Variants in KIAA1328 observed in about 807,000 individuals in gnomAD.
KIAA1328 encodes the protein KIAA1328, also known as protein hinderin.
In KIAA1328, 52 loss-of-function variants were observed where a neutral mutation model predicts 68.1. The ratio of observed to expected loss-of-function variants is 0.76; its 90% confidence interval spans 0.61 to 0.96. The LOEUF (loss-of-function observed/expected upper bound fraction) is 0.96, where lower values mean the gene tolerates loss of function less well. Ranked by LOEUF, KIAA1328 falls within the 40% of genes least tolerant of loss-of-function variation. The pLI is 0.00. For missense variants in KIAA1328, 641 were observed against 677.6 expected, an observed-to-expected ratio of 0.95 and a Z score of 0.60; for synonymous variants, 232 against 239.4, an observed-to-expected ratio of 0.97 and a Z score of 0.28.
At chr18:36,890,397 G>T (rs1007039046) in intron 5 of KIAA1328, among the ~76,000 whole-genome samples, 1 of 151,976 alleles carries the variant, frequency 6.6e-6, no homozygotes, top group African/African-American at 2.4e-5. Context: ...ATGTCTGCGC[G>T]TCATGGCTCA....
intron 6 of KIAA1328, among the ~76,000 whole-genome samples, chr18:37,005,922 G>C (rs1232867504): frequency 1.3e-5 from 2 of 152,076 alleles, no homozygotes; most frequent in Non-Finnish European, 2.9e-5. Context: ...TGGAAGTAGA[G>C]AGCAGAAGGA....
chr18:36,974,894 G>A (rs1256648058), intron 6 of KIAA1328, among the ~76,000 whole-genome samples: 4 of 152,166 alleles, frequency 2.6e-5, no homozygotes, highest in Non-Finnish European at 5.9e-5. Flanking sequence ...GTATAATCTA[G>A]TACTAAACAG....
intron 7 of KIAA1328, among the ~76,000 whole-genome samples, chr18:37,079,316 AGCGGGGCCT>A: frequency 1.1e-5 from 1 of 87,808 alleles, no homozygotes; most frequent in South Asian, 3.0e-4. Flanking sequence ...AACATCACAC[AGCGGGGCCT>A]GTTGTGGGGT....
Position 36,885,546 on chromosome 18 carries a change from T to A in KIAA1328, c.333-11T>A, listed in dbSNP as rs777637388. The A allele has an allele frequency of 2.0e-6, 3 of 1,473,378 alleles. No homozygotes were observed. Among genetic ancestry groups the A allele is most frequent in the Non-Finnish European group, 2.7e-6 (3 of 1,103,850 alleles). 91.3% of individuals were successfully genotyped at this position (1,473,378 alleles called of 1,614,324 possible). A position where few individuals can be genotyped will look rare whatever the true frequency, so the allele number is the denominator to read the frequency against. ...TGATAGATGTTAAAGGTTTTTTTTT[T>A]TTTATTTCAGAGTAAGTGAGGAAAA... is the stretch of plus-strand genomic sequence containing the variant. On this transcript the variant is annotated splice_polypyrimidine_tract_variant and intron_variant, in intron 4 of 9. Coordinates refer to ENST00000280020, the MANE Select transcript of KIAA1328 (RefSeq NM_020776.3).
At chr18:37,207,942 T>G (rs1462326862) in intron 9 of KIAA1328, among the ~76,000 whole-genome samples, 2 of 152,144 alleles carry the variant, frequency 1.3e-5, no homozygotes, top group Non-Finnish European at 2.9e-5. Context: ...CCCGAGTAGC[T>G]GGGATTACAG....
chr18:37,166,757 G>A (rs1434263768), intron 8 of KIAA1328, among the ~76,000 whole-genome samples: 2 of 152,072 alleles, frequency 1.3e-5, no homozygotes, highest in Non-Finnish European at 2.9e-5. Context: ...CTACATATAG[G>A]ACATTCCTTG....
intron 6 of KIAA1328, among the ~76,000 whole-genome samples, chr18:37,058,635 C>A (rs918882650): frequency 1.3e-5 from 2 of 151,962 alleles, no homozygotes; most frequent in Non-Finnish European, 2.9e-5. Flanking sequence ...TTGCTTGAAC[C>A]CAGGAGGCAG....
At chr18:36,946,393 G>C (rs1304136192) in intron 5 of KIAA1328, 1 of 152,172 alleles carries the variant, frequency 6.6e-6, no homozygotes, top group Non-Finnish European at 1.5e-5. Context: ...AGGGTTCTTA[G>C]AGATGATTGA....
chr18:37,031,600 T>A (rs1028359836), intron 6 of KIAA1328, among the ~76,000 whole-genome samples: 1 of 152,210 alleles, frequency 6.6e-6, no homozygotes, highest in Non-Finnish European at 1.5e-5. Flanking sequence ...TAGTTTGCTT[T>A]TGATTTATAA....
chr18:37,068,714 A>G (rs1429126625), intron 7 of KIAA1328, among the ~76,000 whole-genome samples: 1 of 152,224 alleles, frequency 6.6e-6, no homozygotes, highest in East Asian at 1.9e-4. Flanking sequence ...TCTTCTAGAT[A>G]TATGTCTTTT....
At chr18:36,907,829 T>C (rs1202341777) in intron 5 of KIAA1328, among the ~76,000 whole-genome samples, 1 of 152,166 alleles carries the variant, frequency 6.6e-6, no homozygotes, top group African/African-American at 2.4e-5. Flanking sequence ...AGTTTAATCT[T>C]TTCTCTTAAA....
At chr18:36,967,660 C>A (rs2051999113) in intron 6 of KIAA1328, among the ~76,000 whole-genome samples, 1 of 152,120 alleles carries the variant, frequency 6.6e-6, no homozygotes, top group African/African-American at 2.4e-5. Flanking sequence ...ACACTCCTAG[C>A]AGATCTTCAG....
chr18:37,177,984 T>G (rs1438078435), intron 9 of KIAA1328, among the ~76,000 whole-genome samples: 1 of 152,122 alleles, frequency 6.6e-6, no homozygotes, highest in Non-Finnish European at 1.5e-5. Context: ...ACATTCAAAA[T>G]CCTCTCTTCT....
intron 7 of KIAA1328, among the ~76,000 whole-genome samples, chr18:37,098,598 T>A (rs1171823270): frequency 6.6e-6 from 1 of 152,230 alleles, no homozygotes; most frequent in Non-Finnish European, 1.5e-5. Context: ...TAAAATGAGT[T>A]AGGTAGGATT....
chr18:36,840,627 T>G (rs2046827970), intron 3 of KIAA1328, among the ~76,000 whole-genome samples: 1 of 152,050 alleles, frequency 6.6e-6, no homozygotes, highest in Non-Finnish European at 1.5e-5. Flanking sequence ...AGATGATTTT[T>G]GTATAAACAG....
chr18:36,852,966 CAT>C (rs2047262252), intron 4 of KIAA1328, among the ~76,000 whole-genome samples: 1 of 152,118 alleles, frequency 6.6e-6, no homozygotes, highest in Admixed American at 6.5e-5. Context: ...TTAATATTTT[CAT>C]ATATTTTGAG....
chr18:37,040,989 CTATTT>C (rs576908780), intron 6 of KIAA1328, among the ~76,000 whole-genome samples: 73 of 151,556 alleles, frequency 4.8e-4, no homozygotes, highest in Non-Finnish European at 8.6e-4. Context: ...TTTTTAAAGA[CTATTT>C]TATATGTTAT....
At chr18:36,989,869 T>C (rs2151409953) in intron 6 of KIAA1328, among the ~76,000 whole-genome samples, 1 of 152,212 alleles carries the variant, frequency 6.6e-6, no homozygotes, top group Middle Eastern at 3.4e-3. Flanking sequence ...TAATTTTTTG[T>C]ATTTTTAGTA....
chr18:37,150,559 A>G (rs1251456081), intron 7 of KIAA1328, among the ~76,000 whole-genome samples: 2 of 151,632 alleles, frequency 1.3e-5, no homozygotes, highest in Non-Finnish European at 2.9e-5. Flanking sequence ...ACATAAATTC[A>G]TGGACACAAA....
Sources: allele counts gnomAD v4.1 joint callset (sites outside exome capture counted in the v4.1 genomes callset), GRCh38; gene constraint gnomAD v4.1.1; transcripts MANE v1.5; gene names NCBI Gene and HGNC (gene_info 2026-07-23, HGNC 2026-07-21).